SMOC1: variants seen among roughly 807,000 people sequenced by gnomAD.
SMOC1 encodes SPARC-related modular calcium-binding protein 1.
Under a neutral mutation model 56.3 loss-of-function variants are expected in SMOC1, and 22 were observed. The observed-to-expected ratio is 0.39, with a 90% confidence interval of 0.28 to 0.56. The LOEUF is 0.56. Ranked by LOEUF, SMOC1 falls within the 20% of genes least tolerant of loss-of-function variation. The pLI is 0.61. For missense variants in SMOC1, 509 were observed against 565.4 expected (o/e 0.90, Z 1.01); for synonymous variants, 193 against 215.0 (o/e 0.90, Z 0.89).
At chr14:69,899,372 C>T (rs1013752070) in intron 1 of SMOC1, among the ~76,000 whole-genome samples, 1 of 152,154 alleles carries the variant, frequency 6.6e-6, no homozygotes, top group South Asian at 2.1e-4. Flanking sequence ...CCTTTTGGTA[C>T]TATTCTCGTG....
intron 1 of SMOC1, among the ~76,000 whole-genome samples, chr14:69,937,755 G>A (rs989960797): frequency 1.3e-5 from 2 of 152,078 alleles, no homozygotes; most frequent in Admixed American, 6.5e-5. Context: ...TGTGTTTGAG[G>A]GTATGCACAC....
At chr14:70,012,863 T>C (rs1885389444) in intron 9 of SMOC1, among the ~76,000 whole-genome samples, 2 of 152,172 alleles carry the variant, frequency 1.3e-5, no homozygotes, top group Admixed American at 1.3e-4. Context: ...GTAGTTATAA[T>C]GTAAGATGGT....
intron 1 of SMOC1, among the ~76,000 whole-genome samples, chr14:69,928,347 T>A (rs899232524): frequency 2.0e-5 from 3 of 152,236 alleles, no homozygotes; most frequent in African/African-American, 7.2e-5. Flanking sequence ...AGATGGTTTT[T>A]CTTGGCAAAT....
intron 1 of SMOC1, among the ~76,000 whole-genome samples, chr14:69,911,293 G>A (rs1390492264): frequency 1.3e-5 from 2 of 152,176 alleles, no homozygotes; most frequent in Admixed American, 6.5e-5. Context: ...CTGAGACTGG[G>A]CCCAAGGTAG....
chr14:70,001,590 C>T (rs1173219654), intron 7 of SMOC1, among the ~76,000 whole-genome samples: 1 of 152,166 alleles, frequency 6.6e-6, no homozygotes, highest in African/African-American at 2.4e-5. Context: ...GCTCCATTCC[C>T]CTGCCCTTGG....
intron 5 of SMOC1, among the ~76,000 whole-genome samples, chr14:69,987,939 G>A (rs565950665): frequency 8.5e-5 from 13 of 152,336 alleles, no homozygotes; most frequent in African/African-American, 2.9e-4. Flanking sequence ...AGGCGTGACT[G>A]GGGGTTGGGG....
intron 7 of SMOC1, among the ~76,000 whole-genome samples, chr14:70,004,626 T>C (rs549493723): frequency 1.3e-5 from 2 of 152,266 alleles, no homozygotes; most frequent in Non-Finnish European, 2.9e-5. Flanking sequence ...CCTATTGGCC[T>C]GCCCAACATA....
intron 1 of SMOC1, among the ~76,000 whole-genome samples, chr14:69,940,976 CT>C (rs1430434534): frequency 2.6e-5 from 4 of 152,158 alleles, no homozygotes; most frequent in African/African-American, 9.7e-5. Flanking sequence ...AAATAAATGC[CT>C]TCCGTCTCTG....
chr14:70,008,994 T>C (rs747820688), intron 7 of SMOC1, among the ~76,000 whole-genome samples: 16 of 152,202 alleles, frequency 1.1e-4, no homozygotes, highest in Non-Finnish European at 2.2e-4. Flanking sequence ...TCTGTCTCTT[T>C]CCTGTCTCTA....
intron 1 of SMOC1, among the ~76,000 whole-genome samples, chr14:69,937,625 C>T (rs10142550): frequency 0.011 from 1,617 of 152,294 alleles, 22 homozygotes; most frequent in Middle Eastern, 0.044. Context: ...CTTGTCTGAG[C>T]GACGCAGTGG....
At chr14:69,907,187 T>C (rs2139337917) in intron 1 of SMOC1, among the ~76,000 whole-genome samples, 1 of 152,260 alleles carries the variant, frequency 6.6e-6, no homozygotes, top group South Asian at 2.1e-4. Flanking sequence ...TTAAAACTAG[T>C]CTAGGGATTA....
At chr14:69,915,244 T>C (rs1015720019) in intron 1 of SMOC1, among the ~76,000 whole-genome samples, 5 of 152,232 alleles carry the variant, frequency 3.3e-5, no homozygotes, top group Admixed American at 6.5e-5. Context: ...CCTCTTTCAC[T>C]GAGAAATCCA....
chr14:69,966,015 A>T (rs1883564094), intron 3 of SMOC1, among the ~76,000 whole-genome samples: 1 of 152,144 alleles, frequency 6.6e-6, no homozygotes, highest in Non-Finnish European at 1.5e-5. Context: ...GTGAAGACAG[A>T]AAAGTTTTAT....
chr14:70,020,627 G>C lies in SMOC1; in HGVS notation c.1047-2576G>C, dbSNP rs944109892. 6.6e-5 allele frequency among the ~76,000 whole-genome samples: 10 copies of C among 152,292 alleles called. No individual in the cohort carries two copies. In the South Asian group the frequency reaches 1.2e-3, roughly 19 times the overall value. ...GAGGAAGTGAATGCTGCACATCTCA[G>C]CCCAGTGGCTCAGCTGGGAGCCAGG... On this transcript the variant is annotated intron_variant, in intron 10 of 11. Transcript: ENST00000361956.
At chr14:70,026,639 A>G (rs1209844889) in intron 11 of SMOC1, among the ~76,000 whole-genome samples, 1 of 152,194 alleles carries the variant, frequency 6.6e-6, no homozygotes, top group African/African-American at 2.4e-5. Flanking sequence ...TGCAACTGTC[A>G]TTCTTCTTGG....
intron 1 of SMOC1, among the ~76,000 whole-genome samples, chr14:69,943,107 C>G (rs1882632801): frequency 6.6e-6 from 1 of 152,132 alleles, no homozygotes; most frequent in Admixed American, 6.5e-5. Flanking sequence ...TGATGAAGGT[C>G]AGGCCTCTCC....
At chr14:69,970,979 T>C (rs1180447646) in intron 3 of SMOC1, among the ~76,000 whole-genome samples, 1 of 152,184 alleles carries the variant, frequency 6.6e-6, no homozygotes, top group Non-Finnish European at 1.5e-5. Context: ...AACTTACTTA[T>C]CTAGGAACAC....
At chr14:69,961,655 T>C (rs1485429915) in intron 3 of SMOC1, among the ~76,000 whole-genome samples, 1 of 152,134 alleles carries the variant, frequency 6.6e-6, no homozygotes, top group African/African-American at 2.4e-5. Flanking sequence ...GGATTACAGG[T>C]GTGGGCCACC....
At chr14:69,913,713 G>T (rs1422780611) in intron 1 of SMOC1, among the ~76,000 whole-genome samples, 1 of 152,194 alleles carries the variant, frequency 6.6e-6, no homozygotes, top group Non-Finnish European at 1.5e-5. Context: ...GCTCTTGAGT[G>T]TGGGACTTCT....
Sources: allele counts gnomAD v4.1 joint callset (sites outside exome capture counted in the v4.1 genomes callset), GRCh38; gene constraint gnomAD v4.1.1; transcripts MANE v1.5; gene names NCBI Gene and HGNC (gene_info 2026-07-23, HGNC 2026-07-21).